HOXC5: variants seen among roughly 807,000 people sequenced by gnomAD.
The protein encoded by HOXC5 is homeobox C5.
A neutral mutation model predicts 20.1 loss-of-function variants in HOXC5; 19 were observed. The ratio of observed to expected loss-of-function variants is 0.94; its 90% CI spans 0.66 to 1.38. The LOEUF is 1.38. HOXC5 is among the 40% of genes most tolerant of loss of function. The probability of loss-of-function intolerance (pLI) is 0.00; values close to 1 mark genes in which losing one functional copy is unlikely to be tolerated. For missense variants in HOXC5, 330 were observed against 300.1 expected, an observed-to-expected ratio of 1.10 and a Z score of -0.74; for synonymous variants, 124 against 117.0, an observed-to-expected ratio of 1.06 and a Z score of -0.39.
At chr12:54,017,977 C>T in the HOXC5 span, among the ~76,000 whole-genome samples, 2 of 152,186 alleles carry the variant, frequency 1.3e-5, no homozygotes, top group Admixed American at 6.5e-5. Flanking sequence ...GCCGGGCCGC[C>T]GAGCAGGAAG....
At chr12:54,023,176 G>A in the HOXC5 span, among the ~76,000 whole-genome samples, 2 of 152,148 alleles carry the variant, frequency 1.3e-5, no homozygotes, top group Admixed American at 6.5e-5. Flanking sequence ...GAGGTGGGAG[G>A]CTTGGGCACC....
upstream of HOXC5, chr12:54,029,047 C>G (rs372116179): frequency 2.2e-6 from 2 of 918,472 alleles, no homozygotes; most frequent in East Asian, 2.6e-5. Flanking sequence ...CGTCTCCTCA[C>G]CGAGACAGGG....
the HOXC5 span, among the ~76,000 whole-genome samples, chr12:54,026,641 A>G: frequency 6.6e-6 from 1 of 152,110 alleles, no homozygotes. Flanking sequence ...TCTAAAACCA[A>G]CACAAATTGT....
chr12:54,025,529 G>A, the HOXC5 span, among the ~76,000 whole-genome samples: 1 of 36,838 alleles, frequency 2.7e-5, no homozygotes, highest in African/African-American at 8.7e-5. Flanking sequence ...AAGGTAATTG[G>A]GGGGGGGGGA....
At chr12:54,019,545 C>G in the HOXC5 span, among the ~76,000 whole-genome samples, 37 of 152,318 alleles carry the variant, frequency 2.4e-4, no homozygotes, top group Admixed American at 1.4e-3. Flanking sequence ...TGTCCGCCCC[C>G]GCCCCTGTGG....
chr12:54,023,668 G>A, the HOXC5 span, among the ~76,000 whole-genome samples: 1 of 152,122 alleles, frequency 6.6e-6, no homozygotes, highest in Non-Finnish European at 1.5e-5. Flanking sequence ...CCCGGGCCCT[G>A]TCCCCAAAAT....
chr12:54,029,217 A>T (rs1940872333), upstream of HOXC5, among the ~76,000 whole-genome samples: 1 of 152,050 alleles, frequency 6.6e-6, no homozygotes, highest in African/African-American at 2.4e-5. Flanking sequence ...CCCAAAGTGG[A>T]GTCAGTCTGA....
the HOXC5 span, among the ~76,000 whole-genome samples, chr12:54,018,077 C>T: frequency 1.3e-5 from 2 of 152,070 alleles, no homozygotes; most frequent in African/African-American, 4.8e-5. Flanking sequence ...AGGAGAGCGT[C>T]TGCCCACCCC....
At position 54,034,421 on chromosome 12, in the gene HOXC5, A is replaced by G. The variant is rs747872907; in HGVS notation, c.598A>G (p.Lys200Glu). The change falls in exon 2 of 2, where the codon AAG becomes GAG. Residue 200 changes from lysine to glutamate, a missense_variant. Lys to Glu is a moderately conservative substitution (Grantham distance 56, BLOSUM62 1). Transcript: ENST00000312492. ...NNLCLNERQIKIWFQNRRMKW... is the reference protein window; with the variant it reads ...NNLCLNERQIEIWFQNRRMKW... Reference sequence around the variant, plus strand: ...CTTGTGTCTCAATGAGAGACAGATCAAGATCTGGTTCCAGAACCGCAGGAT... The same window carrying G: ...CTTGTGTCTCAATGAGAGACAGATCGAGATCTGGTTCCAGAACCGCAGGAT... The G allele has an allele frequency of 3.7e-6, 6 of 1,614,128 alleles. No homozygotes were observed. The South Asian group carries it at 4.4e-5, about 12-fold the overall frequency.
rs780027416 is a variant in HOXC5 at position 54,033,117 on chromosome 12, C to T, written c.-6C>T. ...GGTGCAGAAATTTTTTTGGGCCCTC[C>T]CCGCCATGAGCTCCTACGTAGCCAA... On this transcript the variant is annotated 5_prime_UTR_variant, in exon 1 of 2. Transcript: ENST00000312492. 2.5e-6 allele frequency: 4 copies of T among 1,593,196 alleles called. No individual in the cohort carries two copies. The highest frequency in any genetic ancestry group is 1.1e-5 in the South Asian group (1 of 89,994).
chr12:54,034,992 A>C lies in HOXC5; in HGVS notation c.*500A>C. On this transcript the variant is annotated 3_prime_UTR_variant, in exon 2 of 2. Coordinates refer to ENST00000312492, the MANE Select transcript of HOXC5 (RefSeq NM_018953.4). ...CGGGGTGCTTCCTTGTAGCGACTAAACTAGATTTTCACTTATGAATGATTT... is the reference window on the plus strand; with the variant it reads ...CGGGGTGCTTCCTTGTAGCGACTAACCTAGATTTTCACTTATGAATGATTT... The C allele has an allele frequency of 5.9e-6, 1 of 169,184 alleles. No homozygotes were observed. The highest frequency in any genetic ancestry group is 5.5e-5 in the Admixed American group (1 of 18,346). 10.5% of individuals were successfully genotyped at this position (169,184 alleles called of 1,614,324 possible).
upstream of HOXC5, chr12:54,033,047 A>C: frequency 8.0e-7 from 1 of 1,242,244 alleles, no homozygotes; most frequent in Admixed American, 2.1e-5. Context: ...GAGAACAAAA[A>C]ACCCCTCAAC....
At chr12:54,034,116 G>A in intron 1 of HOXC5, 162 bp from the exon 2 acceptor site, 1 of 746,060 alleles carries the variant, frequency 1.3e-6, no homozygotes, top group Admixed American at 2.0e-5. Flanking sequence ...CGCCTCTCCC[G>A]GGGCTGGGCT....
chr12:54,020,786 G>A, the HOXC5 span: 1 of 152,092 alleles, frequency 6.6e-6, no homozygotes, highest in Non-Finnish European at 1.5e-5. Flanking sequence ...CGGAGTATGC[G>A]GGTTCCAGTA....
the HOXC5 span, chr12:54,022,161 C>T: frequency 6.6e-6 from 1 of 152,140 alleles, no homozygotes; most frequent in Non-Finnish European, 1.5e-5. Context: ...AGCCCACCCC[C>T]ATCAACCCAG....
upstream of HOXC5, chr12:54,032,860 C>T (rs1462215680): frequency 4.7e-6 from 1 of 213,084 alleles, no homozygotes; most frequent in Admixed American, 5.6e-5. Flanking sequence ...CTTGGTTGGG[C>T]TTTGCCAACA....
At chr12:54,027,259 G>C in the HOXC5 span, among the ~76,000 whole-genome samples, 2 of 152,162 alleles carry the variant, frequency 1.3e-5, no homozygotes, top group African/African-American at 2.4e-5. Flanking sequence ...CGGGTGACTG[G>C]CACTTGGGTG....
chr12:54,028,595 C>A (rs1290792327), upstream of HOXC5: 2 of 1,614,054 alleles, frequency 1.2e-6, no homozygotes, highest in African/African-American at 1.3e-5. Flanking sequence ...CCCAACGTCG[C>A]CCTCAATTCC....
the HOXC5 span, among the ~76,000 whole-genome samples, chr12:54,017,975 G>T: frequency 6.6e-6 from 1 of 152,188 alleles, no homozygotes; most frequent in South Asian, 2.1e-4. Flanking sequence ...GGGCCGGGCC[G>T]CCGAGCAGGA....
Sources: allele counts gnomAD v4.1 joint callset (sites outside exome capture counted in the v4.1 genomes callset), GRCh38; gene constraint gnomAD v4.1.1; transcripts MANE v1.5; gene names NCBI Gene and HGNC (gene_info 2026-07-23, HGNC 2026-07-21).